TRAPPC9: variants seen among roughly 807,000 people sequenced by gnomAD.
TRAPPC9 encodes IKK2 binding protein.
In TRAPPC9, 83 loss-of-function variants were observed where a neutral mutation model predicts 124.0. The ratio of observed to expected loss-of-function variants is 0.67; its 90% CI spans 0.56 to 0.80. TRAPPC9 has a LOEUF of 0.80. Ranked by LOEUF, TRAPPC9 falls within the 30% of genes least tolerant of loss-of-function variation. The pLI, the probability that TRAPPC9 is intolerant of heterozygous loss-of-function variation, is 0.00. For missense variants in TRAPPC9, 1,302 were observed against 1,508.3 expected (o/e 0.86, Z 2.27); for synonymous variants, 638 against 617.5 (o/e 1.03, Z -0.49).
At position 139,948,808 on chromosome 8, in the gene TRAPPC9, T is replaced by A. The variant is rs181836210; in HGVS notation, c.2811-38508A>T. Among the ~76,000 whole-genome samples, 13 of 152,278 alleles carry A rather than the reference T, an allele frequency of 8.5e-5. 1 individual carries two copies. The East Asian group carries it at 2.3e-3, about 27-fold the overall frequency. ...AAAGACAATAACAGGCCAAGCTCAG[T>A]GGCTCACACCTGTAACCTCAGCACT... On this transcript the variant is annotated intron_variant, in intron 19 of 22. Coordinates refer to ENST00000438773, the MANE Select transcript of TRAPPC9 (RefSeq NM_001160372.4).
intron 18 of TRAPPC9, among the ~76,000 whole-genome samples, chr8:139,996,707 G>A (rs1338491997): frequency 6.6e-6 from 1 of 152,078 alleles, no homozygotes; most frequent in Middle Eastern, 3.2e-3. Context: ...AACCCAAAAA[G>A]TTTTTTGTTT....
At position 139,812,577 on chromosome 8, in the gene TRAPPC9, A is replaced by G. The variant is rs536398036; in HGVS notation, c.3055+73302T>C. Among the ~76,000 whole-genome samples, 5 of 152,352 alleles carry G rather than the reference A, an allele frequency of 3.3e-5. No individual in the cohort carries two copies. In the South Asian group the frequency reaches 1.0e-3, roughly 32 times the overall value. ...CTGGTCTTCGTTATGTGCCTTGTGG[A>G]ACGAATTGGCTTTTTAAGTCACATG... is the stretch of plus-strand genomic sequence containing the variant. On this transcript the variant is annotated intron_variant, in intron 21 of 22. Transcript: ENST00000438773.
intron 19 of TRAPPC9, chr8:139,916,304 GATGGTGGATAC>G (rs1832125681): frequency 6.6e-6 from 1 of 152,144 alleles, no homozygotes; most frequent in East Asian, 1.9e-4. Context: ...AGATAAGATA[GATGGTGGATAC>G]AAACGGTCAG....
intron 18 of TRAPPC9, among the ~76,000 whole-genome samples, chr8:139,998,103 T>G (rs1454993927): frequency 6.6e-6 from 1 of 152,176 alleles, no homozygotes. Flanking sequence ...AACAACAAAT[T>G]TTTCTAAAGT....
chr8:139,892,784 T>G (rs1330366426), intron 20 of TRAPPC9, among the ~76,000 whole-genome samples: 4 of 152,106 alleles, frequency 2.6e-5, no homozygotes, highest in Non-Finnish European at 4.4e-5. Context: ...GCACAGGCAC[T>G]CCTCCACTGT....
At chr8:140,355,206 G>A (rs1166397245) in intron 9 of TRAPPC9, among the ~76,000 whole-genome samples, 1 of 152,132 alleles carries the variant, frequency 6.6e-6, no homozygotes, top group African/African-American at 2.4e-5. Flanking sequence ...CACCTCTAGA[G>A]GGTTATGCTG....
At chr8:140,210,039 G>T (rs566337428) in intron 17 of TRAPPC9, among the ~76,000 whole-genome samples, 1 of 152,372 alleles carries the variant, frequency 6.6e-6, no homozygotes, top group South Asian at 2.1e-4. Flanking sequence ...CATGAGGGAA[G>T]TAATCTGTAA....
intron 17 of TRAPPC9, among the ~76,000 whole-genome samples, chr8:140,028,316 C>T (rs1055849902): frequency 2.0e-4 from 31 of 152,172 alleles, no homozygotes; most frequent in Admixed American, 7.8e-4. Context: ...AAATCATAAA[C>T]GAGGGACTAC....
intron 19 of TRAPPC9, among the ~76,000 whole-genome samples, chr8:139,973,618 C>T (rs1404924747): frequency 2.0e-5 from 3 of 152,214 alleles, no homozygotes; most frequent in African/African-American, 4.8e-5. Context: ...TGGAAAACGA[C>T]GAATGAACAA....
rs576967024 is a variant in TRAPPC9 at position 140,219,302 on chromosome 8, T to C, written c.2556+2157A>G. Among the ~76,000 whole-genome samples the C allele has an allele frequency of 5.3e-3, 807 of 152,274 alleles. 6 individuals carry two copies. The highest frequency in any genetic ancestry group is 9.1e-3 in the Non-Finnish European group (618 of 68,006). ...TGCCGGAGCCTGAATTGCCCCAGAA[T>C]CACACAGACCTTGCTCCAAGACCCT... is the stretch of plus-strand genomic sequence containing the variant. On this transcript the variant is annotated intron_variant, in intron 17 of 22. Coordinates refer to ENST00000438773, the MANE Select transcript of TRAPPC9 (RefSeq NM_001160372.4).
chr8:140,090,752 A>G (rs1306409644), intron 17 of TRAPPC9, among the ~76,000 whole-genome samples: 1 of 152,242 alleles, frequency 6.6e-6, no homozygotes, highest in Non-Finnish European at 1.5e-5. Context: ...TGGGCATCTC[A>G]TTAATGCCTG....
At chr8:140,095,132 C>T (rs1321742803) in intron 17 of TRAPPC9, 2 of 152,242 alleles carry the variant, frequency 1.3e-5, no homozygotes, top group African/African-American at 4.8e-5. Flanking sequence ...TCAGGCTACA[C>T]AAGCAGCAAG....
At chr8:140,135,916 T>C (rs764755229) in intron 17 of TRAPPC9, among the ~76,000 whole-genome samples, 6 of 152,104 alleles carry the variant, frequency 3.9e-5, no homozygotes, top group Non-Finnish European at 1.5e-5. Flanking sequence ...TCCTTCTATA[T>C]AGAAAAGCGT....
chr8:140,038,938 C>T (rs1841085512), intron 17 of TRAPPC9, among the ~76,000 whole-genome samples: 1 of 152,182 alleles, frequency 6.6e-6, no homozygotes, highest in South Asian at 2.1e-4. Context: ...TCCTCACACC[C>T]TCGTACCTGG....
In TRAPPC9 at chr8:140,104,005, T is replaced by A. The variant is rs998043477; in HGVS notation, c.2557-79926A>T. Among the ~76,000 whole-genome samples, 4 of 152,246 alleles carry A rather than the reference T, an allele frequency of 2.6e-5. No individual in the cohort carries two copies. Among genetic ancestry groups the A allele is most frequent in the African/African-American group, 7.2e-5 (3 of 41,466 alleles). ...CAATGAAGATATCTGAATAATTTAT[T>A]GGCATGCATCTCTAAATCCAGACGC... On this transcript the variant is annotated intron_variant, in intron 17 of 22. Coordinates refer to ENST00000438773, the MANE Select transcript of TRAPPC9 (RefSeq NM_001160372.4). The surrounding 1 kb of genome is among the most constrained non-coding windows in gnomAD (Gnocchi z 4.0).
At chr8:140,351,548 T>C (rs951353322) in intron 9 of TRAPPC9, among the ~76,000 whole-genome samples, 1 of 152,132 alleles carries the variant, frequency 6.6e-6, no homozygotes, top group Admixed American at 6.5e-5. Context: ...GCAGGAGGAC[T>C]GCTTCAGCCC....
intron 21 of TRAPPC9, among the ~76,000 whole-genome samples, chr8:139,839,803 C>T (rs28444401): frequency 0.22 from 33,425 of 151,984 alleles, 5,214 homozygotes; most frequent in African/African-American, 0.43. Flanking sequence ...GGAGAGTGGG[C>T]ATGGCCTATT....
chr8:140,452,991 A>T (rs1278341159), intron 1 of TRAPPC9, among the ~76,000 whole-genome samples: 1 of 152,226 alleles, frequency 6.6e-6, no homozygotes, highest in East Asian at 1.9e-4. Context: ...GTTTTGTAAC[A>T]TGGCACCACG....
chr8:140,056,453 G>A (rs943102696), intron 17 of TRAPPC9, among the ~76,000 whole-genome samples: 2 of 151,610 alleles, frequency 1.3e-5, no homozygotes, highest in Non-Finnish European at 2.9e-5. Flanking sequence ...ACCTAGCATG[G>A]TACTGACTGA....
Sources: gnomAD v4.1 joint callset for allele counts (sites outside exome capture counted in the v4.1 genomes callset) on GRCh38, gnomAD v4.1.1 for gene constraint, Gnocchi (gnomAD v3.1) non-coding constraint, MANE v1.5 for transcripts, NCBI Gene and HGNC (gene_info 2026-07-23, HGNC 2026-07-21) for gene names.